The following RASAL2 variants were observed in gnomAD, a reference collection of about 807,000 sequenced individuals.
The protein encoded by RASAL2 is RAS protein activator like 2.
A neutral mutation model predicts 128.9 loss-of-function variants in RASAL2; 58 were observed. The observed-to-expected ratio is 0.45, with a 90% CI of 0.36 to 0.56. The LOEUF (loss-of-function observed/expected upper bound fraction) is 0.56. RASAL2 is among the 20% of genes least tolerant of loss of function. RASAL2 has a pLI of 0.00. For synonymous variants in RASAL2, 561 were observed against 580.8 expected (o/e 0.97, Z 0.49); for missense variants, 1,360 against 1,601.6 (o/e 0.85, Z 2.57).
chr1:178,427,692 G>T (rs1233130987), intron 5 of RASAL2, among the ~76,000 whole-genome samples: 2 of 152,050 alleles, frequency 1.3e-5, no homozygotes, highest in East Asian at 3.9e-4. Flanking sequence ...TATAACTGTA[G>T]TATAATATCA....
At chr1:178,163,440 A>G (rs890809413) in intron 1 of RASAL2, among the ~76,000 whole-genome samples, 1 of 152,086 alleles carries the variant, frequency 6.6e-6, no homozygotes, top group Non-Finnish European at 1.5e-5. Context: ...GTTTTAGCAT[A>G]TATATTTAGG....
intron 4 of RASAL2, 24 bp from the exon 5 acceptor site, chr1:178,420,487 A>G (rs748289223): frequency 6.7e-5 from 103 of 1,533,826 alleles, no homozygotes; most frequent in Non-Finnish European, 9.3e-5. Context: ...TCTCTCTCCC[A>G]TCACCTTCTG....
intron 1 of RASAL2, among the ~76,000 whole-genome samples, chr1:178,163,560 A>G (rs1262842140): frequency 1.3e-5 from 2 of 152,138 alleles, no homozygotes; most frequent in Non-Finnish European, 1.5e-5. Flanking sequence ...TGAAAAGACT[A>G]TTCCCAAATT....
chr1:178,183,260 T>G (rs949095895), intron 1 of RASAL2, among the ~76,000 whole-genome samples: 2 of 152,258 alleles, frequency 1.3e-5, no homozygotes, highest in Admixed American at 1.3e-4. Context: ...TCACACCATG[T>G]GTATTACAAA....
chr1:178,115,895 G>A (rs1046288229), intron 1 of RASAL2, among the ~76,000 whole-genome samples: 6 of 151,208 alleles, frequency 4.0e-5, no homozygotes, highest in African/African-American at 1.5e-4. Context: ...GAATGGATAT[G>A]GGGGCAGGCA....
At chr1:178,371,335 C>CACAAACACACACACACAT (rs1211137224) in intron 3 of RASAL2, among the ~76,000 whole-genome samples, 2 of 140,096 alleles carry the variant, frequency 1.4e-5, no homozygotes, top group Admixed American at 7.0e-5. Context: ...CACACACACA[C>CACAAACACACACACACAT]ACACACACAC....
Position 178,141,871 on chromosome 1 carries a change from A to G in RASAL2, c.202+47177A>G, listed in dbSNP as rs116681429. On this transcript the variant is annotated intron_variant, in intron 1 of 17. Transcript: ENST00000367649. The stretch of plus-strand genomic sequence containing the variant: ...TGTATGGCCTAAAGTGCAGGGGCAT[A>G]TGGGTGTAGGTGGTGAAAGTGGGGT... Among the ~76,000 whole-genome samples the G allele has an allele frequency of 3.3e-3, 498 of 152,134 alleles. 4 individuals are homozygous for G. Among genetic ancestry groups the G allele is most frequent in the African/African-American group, 0.012 (483 of 41,488 alleles).
rs955284534 is a variant in RASAL2 at position 178,478,051 on chromosome 1, G to C, written c.*4812G>C. The stretch of plus-strand genomic sequence containing the variant: ...AAATGCAGTGAGCACCCGAGGAAAG[G>C]AAAGTGGTAGTCTTTGCCTGCATTT... On this transcript the variant is annotated 3_prime_UTR_variant, in exon 18 of 18. Transcript: ENST00000367649. 1 of 152,168 alleles carries C rather than the reference G, an allele frequency of 6.6e-6. No homozygotes were observed. The highest frequency in any genetic ancestry group is 2.4e-5 in the African/African-American group (1 of 41,444). 9.4% of individuals were successfully genotyped at this position (152,168 alleles called of 1,614,324 possible).
At position 178,094,552 on chromosome 1, in the gene RASAL2, C is replaced by T. The variant is rs1457505315; in HGVS notation, c.60C>T (p.Phe20=). ...AGGCGCTGTCCTGGCCGGAGATGTT[C>T]CCGGCGCTGGAGTCCGACTCGCCGC... ...AAEALSWPEM[F]PALESDSPLP... is the part of the protein sequence containing the mutation. The change falls in exon 1 of 18, where the codon TTC becomes TTT. Residue 20 remains phenylalanine, a synonymous_variant. Coordinates refer to ENST00000367649, the MANE Select transcript of RASAL2 (RefSeq NM_170692.4). 1 of 1,591,340 alleles carries T rather than the reference C, an allele frequency of 6.3e-7. No homozygotes were observed. Among genetic ancestry groups the T allele is most frequent in the Admixed American group, 1.8e-5 (1 of 56,594 alleles).
chr1:178,313,333 A>G (rs779202436), intron 3 of RASAL2, among the ~76,000 whole-genome samples: 9 of 152,176 alleles, frequency 5.9e-5, no homozygotes, highest in Non-Finnish European at 1.0e-4. Flanking sequence ...CAACAAAGCA[A>G]TATTATTCAA....
In RASAL2 at chr1:178,289,482, G is replaced by A. The variant is rs1165558336; in HGVS notation, c.330+5791G>A. Among the ~76,000 whole-genome samples the A allele has an allele frequency of 2.0e-5, 3 of 151,916 alleles. No homozygotes were observed. The East Asian group carries it at 5.8e-4, about 29-fold the overall frequency. ...TTATATCTTAAAACTACATATCACT[G>A]TTCTCTCTCTCTTCAAAAGATGGAG... On this transcript the variant is annotated intron_variant, in intron 2 of 17. Transcript: ENST00000367649.
rs1246764691 is a variant in RASAL2 at position 178,443,060 on chromosome 1, T to C, written c.1313T>C (p.Phe438Ser). The change falls in exon 8 of 18, where the codon TTC becomes TCC. Residue 438 changes from phenylalanine (F) to serine (S), a missense_variant. Phe to Ser is a radical substitution (Grantham distance 155). Transcript: ENST00000367649. ...CCTTCTATTCGGATTAAATCACGTTTCCAAACTATCACCATTCTGCCTATG... is the reference window on the plus strand; with the variant it reads ...CCTTCTATTCGGATTAAATCACGTTCCCAAACTATCACCATTCTGCCTATG... ...GGPSIRIKSR[F>S]QTITILPMEQ... The C allele has an allele frequency of 6.2e-7, 1 of 1,614,002 alleles. No homozygotes were observed. Among genetic ancestry groups the C allele is most frequent in the South Asian group, 1.1e-5 (1 of 91,064 alleles).
chr1:178,109,036 C>T (rs1028515224), intron 1 of RASAL2, among the ~76,000 whole-genome samples: 1 of 152,096 alleles, frequency 6.6e-6, no homozygotes, highest in Admixed American at 6.6e-5. Flanking sequence ...TTTGATCAAG[C>T]CAGTGAGACT....
intron 1 of RASAL2, among the ~76,000 whole-genome samples, chr1:178,163,406 A>G (rs1661403446): frequency 6.6e-6 from 1 of 152,092 alleles, no homozygotes; most frequent in Non-Finnish European, 1.5e-5. Flanking sequence ...AATTGTGCTT[A>G]TGTTTTCTTC....
At chr1:178,283,060 AGTGGTAATACGATGCTGTT>A (rs1666856797) in intron 1 of RASAL2, among the ~76,000 whole-genome samples, 1 of 152,172 alleles carries the variant, frequency 6.6e-6, no homozygotes, top group Non-Finnish European at 1.5e-5. Flanking sequence ...GCTGGCCTCT[AGTGGTAATACGATGCTGTT>A]GTTTAAACAT....
At position 178,094,186 on chromosome 1, in the gene RASAL2, G is replaced by T; in HGVS notation, c.-307G>T. On this transcript the variant is annotated 5_prime_UTR_variant, in exon 1 of 18. Transcript: ENST00000367649. ...GGTGGGAGGGCGAGCCTCCCCTCCCGGGTTCTTCTGCGTCCTCTCCCGGGA... is the reference window on the plus strand; with the variant it reads ...GGTGGGAGGGCGAGCCTCCCCTCCCTGGTTCTTCTGCGTCCTCTCCCGGGA... The T allele has an allele frequency of 5.0e-6, 2 of 397,024 alleles. No homozygotes were observed. The highest frequency in any genetic ancestry group is 4.7e-5 in the East Asian group (1 of 21,054). The allele number at this position is 397,024 out of a possible 1,614,324, so 24.6% of individuals were successfully genotyped here. A position where few individuals can be genotyped will look rare whatever the true frequency, so the allele number is the denominator to read the frequency against.
At chr1:178,423,646 C>T (rs899483152) in intron 5 of RASAL2, among the ~76,000 whole-genome samples, 15 of 151,964 alleles carry the variant, frequency 9.9e-5, no homozygotes, top group African/African-American at 3.6e-4. Context: ...AGGTTCAAAC[C>T]CAGGAAGATT....
chr1:178,399,401 C>T (rs939670873), intron 4 of RASAL2, among the ~76,000 whole-genome samples: 4 of 152,118 alleles, frequency 2.6e-5, no homozygotes, highest in African/African-American at 9.7e-5. Context: ...AGTGAAGGGA[C>T]AAGCCTCTTG....
chr1:178,282,554 G>A (rs777985259), intron 1 of RASAL2, among the ~76,000 whole-genome samples: 2 of 152,088 alleles, frequency 1.3e-5, no homozygotes, highest in Non-Finnish European at 2.9e-5. Flanking sequence ...TTTACAGAAA[G>A]CAGTGATAAT....
Sources: gnomAD v4.1 joint callset for allele counts (sites outside exome capture counted in the v4.1 genomes callset) on GRCh38, gnomAD v4.1.1 for gene constraint, MANE v1.5 for transcripts, NCBI Gene and HGNC (gene_info 2026-07-23, HGNC 2026-07-21) for gene names.